Variants in GABRG3 observed in about 807,000 individuals in gnomAD.
The protein encoded by GABRG3 is gamma-aminobutyric acid type A receptor subunit gamma3.
In GABRG3, 25 loss-of-function variants were observed where a neutral mutation model predicts 48.8. That is an observed-to-expected ratio of 0.51 (90% confidence interval 0.37 to 0.72). GABRG3 has a LOEUF of 0.72. Ranked by LOEUF, GABRG3 falls within the 30% of genes least tolerant of loss-of-function variation. The pLI is 0.00. For missense variants in GABRG3, 394 were observed against 577.9 expected, an observed-to-expected ratio of 0.68 and a Z score of 3.26; for synonymous variants, 227 against 217.6, an observed-to-expected ratio of 1.04 and a Z score of -0.38.
intron 2 of GABRG3, among the ~76,000 whole-genome samples, chr15:26,979,872 T>G (rs1895020631): frequency 6.6e-6 from 1 of 152,240 alleles, no homozygotes; most frequent in Admixed American, 6.5e-5. Flanking sequence ...GGTTGGGACG[T>G]ACTCCCTCAT....
At chr15:27,478,060 A>G (rs1365598090) in intron 5 of GABRG3, among the ~76,000 whole-genome samples, 1 of 148,928 alleles carries the variant, frequency 6.7e-6, no homozygotes, top group Non-Finnish European at 1.5e-5. Context: ...AAAAAAAAAA[A>G]AAGAAAGAAA....
chr15:27,520,173 A>C (rs767425276), intron 7 of GABRG3, 49 bp downstream of exon 7: 6 of 1,501,772 alleles, frequency 4.0e-6, no homozygotes, highest in Non-Finnish European at 5.4e-6. Flanking sequence ...TGTAATATAG[A>C]AGCATTCATA....
At chr15:27,029,638 G>T (rs1041002240) in intron 3 of GABRG3, among the ~76,000 whole-genome samples, 4 of 152,150 alleles carry the variant, frequency 2.6e-5, no homozygotes, top group African/African-American at 9.7e-5. Context: ...ACGCACATTT[G>T]CCATCCGACT....
At chr15:27,029,934 T>G (rs565270662) in intron 3 of GABRG3, among the ~76,000 whole-genome samples, 1 of 152,296 alleles carries the variant, frequency 6.6e-6, no homozygotes, top group Non-Finnish European at 1.5e-5. Flanking sequence ...GTGCATCACA[T>G]AGACCCGCTA....
At chr15:27,080,170 G>A (rs538972517) in intron 3 of GABRG3, among the ~76,000 whole-genome samples, 1 of 152,298 alleles carries the variant, frequency 6.6e-6, no homozygotes, top group Admixed American at 6.5e-5. Flanking sequence ...AGTCTAGAAA[G>A]TCAGGCATGG....
chr15:27,308,819 G>T (rs981967374), intron 3 of GABRG3, among the ~76,000 whole-genome samples: 1 of 149,500 alleles, frequency 6.7e-6, no homozygotes, highest in Non-Finnish European at 1.5e-5. Flanking sequence ...AACACATATA[G>T]TGTAAACATA....
intron 6 of GABRG3, among the ~76,000 whole-genome samples, chr15:27,505,366 T>C (rs1255237413): frequency 1.3e-5 from 2 of 152,196 alleles, no homozygotes; most frequent in Non-Finnish European, 2.9e-5. Context: ...TTCTTTGCAA[T>C]TTTCTACTTG....
rs535239507 is a variant in GABRG3 at position 27,159,336 on chromosome 15, G to A, written c.270+132515G>A. On this transcript the variant is annotated intron_variant, in intron 3 of 9. Transcript: ENST00000615808. ...ATCTCTACTAAAATTACAAAATTTG[G>A]CCAAGTGTGCTGGTGCGCACCTGTA... is the stretch of plus-strand genomic sequence containing the variant. Among the ~76,000 whole-genome samples the A allele has an allele frequency of 4.6e-5, 7 of 151,994 alleles. No homozygotes were observed. The East Asian group carries it at 1.2e-3, about 25-fold the overall frequency.
At chr15:27,182,614 G>A (rs1263738295) in intron 3 of GABRG3, among the ~76,000 whole-genome samples, 1 of 152,156 alleles carries the variant, frequency 6.6e-6, no homozygotes, top group African/African-American at 2.4e-5. Flanking sequence ...GGTCCTGAGA[G>A]TTGAATGAGA....
rs115896973 is a variant in GABRG3 at position 27,087,122 on chromosome 15, C to T, written c.270+60301C>T. On this transcript the variant is annotated intron_variant, in intron 3 of 9. Transcript: ENST00000615808. ...GGAGACTGAGAGATGGGTGACGTGA[C>T]CTGAGAGGCCCCTTCCAGTCTGCGT... 3.4e-3 allele frequency among the ~76,000 whole-genome samples: 524 copies of T among 152,330 alleles called. 7 individuals carry two copies. Among genetic ancestry groups the T allele is most frequent in the African/African-American group, 0.012 (490 of 41,578 alleles).
intron 3 of GABRG3, among the ~76,000 whole-genome samples, chr15:27,214,815 A>C (rs980562394): frequency 1.4e-4 from 21 of 151,792 alleles, no homozygotes; most frequent in Non-Finnish European, 2.2e-4. Context: ...CCTGCTGGTG[A>C]GGTGAGACTC....
intron 3 of GABRG3, among the ~76,000 whole-genome samples, chr15:27,226,533 C>T (rs1889622493): frequency 6.6e-6 from 1 of 151,956 alleles, no homozygotes; most frequent in Non-Finnish European, 1.5e-5. Context: ...GAGGAGAACC[C>T]TGCACAGCTC....
intron 2 of GABRG3, among the ~76,000 whole-genome samples, chr15:26,993,232 C>A (rs1256315844): frequency 1.3e-5 from 2 of 151,848 alleles, no homozygotes; most frequent in African/African-American, 4.8e-5. Flanking sequence ...TTTATTATTT[C>A]TTTTCTTCTA....
intron 3 of GABRG3, among the ~76,000 whole-genome samples, chr15:27,266,687 G>A (rs1310489064): frequency 6.6e-6 from 1 of 152,120 alleles, no homozygotes; most frequent in Non-Finnish European, 1.5e-5. Flanking sequence ...ATTTATTCCA[G>A]TCTTTTAAAA....
Position 27,117,267 on chromosome 15 carries a change from A to G in GABRG3, c.270+90446A>G, listed in dbSNP as rs555297286. On this transcript the variant is annotated intron_variant, in intron 3 of 9. Transcript: ENST00000615808. The stretch of plus-strand genomic sequence containing the variant: ...CTTTGAAACTTTATTCTTGTCTTAC[A>G]TATGTAAATGTCTTTCCCACCCCCT... Among the ~76,000 whole-genome samples, 3 of 152,356 alleles carry G rather than the reference A, an allele frequency of 2.0e-5. No homozygotes were observed. The South Asian group carries it at 6.2e-4, about 32-fold the overall frequency.
intron 2 of GABRG3, among the ~76,000 whole-genome samples, chr15:27,018,628 G>A (rs573296790): frequency 1.3e-5 from 2 of 152,228 alleles, no homozygotes; most frequent in Non-Finnish European, 2.9e-5. Context: ...TAATGGAAAT[G>A]GAATTAGCTG....
chr15:26,972,012 C>T (rs1039299743), intron 1 of GABRG3, among the ~76,000 whole-genome samples: 6 of 151,958 alleles, frequency 3.9e-5, no homozygotes, highest in African/African-American at 1.5e-4. Flanking sequence ...AACCCGGGAA[C>T]CGTGGTTCTA....
intron 3 of GABRG3, among the ~76,000 whole-genome samples, chr15:27,143,641 A>G (rs1481317682): frequency 1.3e-5 from 2 of 152,218 alleles, no homozygotes; most frequent in South Asian, 2.1e-4. Context: ...CTGCGAGTGT[A>G]TCCTTTCTAT....
Position 27,307,999 on chromosome 15 carries a change from T to G in GABRG3, c.271-18810T>G, listed in dbSNP as rs141624494. Among the ~76,000 whole-genome samples, 290 of 134,800 alleles carry G rather than the reference T, an allele frequency of 2.2e-3. 2 individuals are homozygous for G. The highest frequency in any genetic ancestry group is 7.1e-3 in the African/African-American group (255 of 36,074). The allele number at this position is 134,800 out of a possible 152,430, so 88.4% of individuals were successfully genotyped here. On this transcript the variant is annotated intron_variant, in intron 3 of 9. Coordinates refer to ENST00000615808, the MANE Select transcript of GABRG3 (RefSeq NM_033223.5). ...ACATATATAAAATAAACATATACGTTTATAATAAACGTATATATAAAATAA... is the reference window on the plus strand; with the variant it reads ...ACATATATAAAATAAACATATACGTGTATAATAAACGTATATATAAAATAA...
Sources: gnomAD v4.1 joint callset for allele counts (sites outside exome capture counted in the v4.1 genomes callset) on GRCh38, gnomAD v4.1.1 for gene constraint, MANE v1.5 for transcripts, NCBI Gene and HGNC (gene_info 2026-07-23, HGNC 2026-07-21) for gene names.